KDM4C: variants seen among roughly 807,000 people sequenced by gnomAD.
KDM4C encodes the protein lysine-specific demethylase 4C.
A neutral mutation model predicts 129.3 loss-of-function variants in KDM4C; 81 were observed. The ratio of observed to expected loss-of-function variants is 0.63; its 90% confidence interval spans 0.52 to 0.75. The LOEUF is 0.75. Among genes scored for constraint, KDM4C ranks in the 30% least tolerant of loss-of-function variants. The pLI is 0.00. For missense variants in KDM4C, 1,457 were observed against 1,304.0 expected (o/e 1.12, Z -1.81); for synonymous variants, 573 against 456.1 (o/e 1.26, Z -3.26).
chr9:6,903,200 G>A (rs1055169670), intron 8 of KDM4C, among the ~76,000 whole-genome samples: 2 of 152,094 alleles, frequency 1.3e-5, no homozygotes, highest in African/African-American at 4.8e-5. Context: ...CATATTCCCA[G>A]TTCTTAGGAA....
At chr9:6,773,899 C>T (rs1245132479) in intron 1 of KDM4C, among the ~76,000 whole-genome samples, 1 of 151,894 alleles carries the variant, frequency 6.6e-6, no homozygotes, top group Admixed American at 6.6e-5. Flanking sequence ...TAACCAAACC[C>T]TAGGCATTTA....
chr9:7,169,487 C>T (rs1844741467), intron 20 of KDM4C, among the ~76,000 whole-genome samples: 1 of 152,164 alleles, frequency 6.6e-6, no homozygotes, highest in African/African-American at 2.4e-5. Flanking sequence ...AGGCATGCGC[C>T]ACCATGCCTG....
chr9:6,917,724 C>T (rs553810816), intron 8 of KDM4C, among the ~76,000 whole-genome samples: 87 of 152,308 alleles, frequency 5.7e-4, no homozygotes, highest in African/African-American at 2.1e-3. Context: ...TGCTTCTCAT[C>T]TCATTGAGAA....
intron 8 of KDM4C, among the ~76,000 whole-genome samples, chr9:6,948,462 T>C (rs2131469847): frequency 6.6e-6 from 1 of 151,518 alleles, no homozygotes; most frequent in Admixed American, 6.6e-5. Flanking sequence ...TTCCTCATTT[T>C]TTTTTTTTTT....
intron 1 of KDM4C, among the ~76,000 whole-genome samples, chr9:6,773,153 C>G (rs1822245788): frequency 6.6e-6 from 1 of 151,770 alleles, no homozygotes. Flanking sequence ...GTGCACACTA[C>G]TACACCTGGC....
chr9:7,004,023 A>G (rs185957014), intron 12 of KDM4C, among the ~76,000 whole-genome samples: 1 of 152,286 alleles, frequency 6.6e-6, no homozygotes, highest in African/African-American at 2.4e-5. Flanking sequence ...TTTTCATAGT[A>G]GAGAATGGTG....
chr9:7,123,553 T>C (rs949030917), intron 18 of KDM4C, among the ~76,000 whole-genome samples: 1 of 152,202 alleles, frequency 6.6e-6, no homozygotes, highest in African/African-American at 2.4e-5. Context: ...ATCCATTCAT[T>C]CATTCACTGT....
At chr9:6,932,409 G>T (rs1015088922) in intron 8 of KDM4C, among the ~76,000 whole-genome samples, 3 of 152,104 alleles carry the variant, frequency 2.0e-5, no homozygotes, top group African/African-American at 7.2e-5. Flanking sequence ...GCTTAGTAAT[G>T]CCCCCTCCCA....
In KDM4C at chr9:6,856,785, C is replaced by G. The variant is rs372077327; in HGVS notation, c.629+7085C>G. Among the ~76,000 whole-genome samples the G allele has an allele frequency of 6.1e-3, 827 of 136,258 alleles. 6 individuals carry two copies. The highest frequency in any genetic ancestry group is 0.022 in the African/African-American group (796 of 36,220). 89.4% of individuals were successfully genotyped at this position (136,258 alleles called of 152,430 possible). On this transcript the variant is annotated intron_variant, in intron 5 of 21. Transcript: ENST00000381309. ...TTTTTTTTTGAGACGGAGTCTCGCT[C>G]TGTCGCCCAGGCCGGACTGCGGACT... is the stretch of plus-strand genomic sequence containing the variant.
chr9:7,172,345 C>G (rs1007396779), intron 21 of KDM4C, among the ~76,000 whole-genome samples: 1 of 152,160 alleles, frequency 6.6e-6, no homozygotes, highest in Non-Finnish European at 1.5e-5. Flanking sequence ...TATTGTCTCA[C>G]AGAATAACCA....
chr9:6,850,589 G>T (rs537959442), intron 5 of KDM4C, among the ~76,000 whole-genome samples: 29 of 151,766 alleles, frequency 1.9e-4, no homozygotes, highest in Admixed American at 3.9e-4. Flanking sequence ...GGGATTAGAG[G>T]CCCAGCTAAT....
At chr9:6,802,078 C>G (rs181569046) in intron 2 of KDM4C, among the ~76,000 whole-genome samples, 4 of 149,490 alleles carry the variant, frequency 2.7e-5, no homozygotes, top group Non-Finnish European at 5.9e-5. Flanking sequence ...GCACTCCAGC[C>G]TGGGGAACAA....
chr9:6,844,400 A>G (rs549017738), intron 4 of KDM4C, among the ~76,000 whole-genome samples: 1 of 152,310 alleles, frequency 6.6e-6, no homozygotes, highest in African/African-American at 2.4e-5. Context: ...ATGTGGTCAC[A>G]GTAATTTTTT....
At position 6,793,166 on chromosome 9, in the gene KDM4C, A is replaced by G. The variant is rs201512588; in HGVS notation, c.144+34A>G. On this transcript the variant is annotated intron_variant, in intron 2 of 21. Coordinates refer to ENST00000381309, the MANE Select transcript of KDM4C (RefSeq NM_015061.6). ...CCTTCGATGCTTTAAATGAAAAACA[A>G]TCACTTGGCCTTTAATTTATGTTCT... 1.3e-5 allele frequency: 20 copies of G among 1,597,310 alleles called. No homozygotes were observed. The East Asian group carries it at 3.8e-4, about 30-fold the overall frequency.
chr9:6,932,331 C>G (rs1199684133), intron 8 of KDM4C, among the ~76,000 whole-genome samples: 1 of 152,088 alleles, frequency 6.6e-6, no homozygotes, highest in Non-Finnish European at 1.5e-5. Flanking sequence ...TTATTAGTTT[C>G]AATTAGGGTT....
At chr9:7,169,048 T>TA (rs1256117965) in intron 20 of KDM4C, among the ~76,000 whole-genome samples, 5 of 104,962 alleles carry the variant, frequency 4.8e-5, no homozygotes, top group South Asian at 2.9e-4. Flanking sequence ...CTGTCTCAAT[T>TA]TAAAAAAAAA....
At chr9:6,878,205 G>A (rs903650307) in intron 5 of KDM4C, among the ~76,000 whole-genome samples, 2 of 152,114 alleles carry the variant, frequency 1.3e-5, no homozygotes, top group African/African-American at 4.8e-5. Context: ...TTCCGTGTAC[G>A]GGGCTGTGAT....
intron 19 of KDM4C, among the ~76,000 whole-genome samples, chr9:7,161,664 C>T (rs1192046539): frequency 6.6e-6 from 1 of 152,142 alleles, no homozygotes; most frequent in Non-Finnish European, 1.5e-5. Flanking sequence ...TCTGTCTGTC[C>T]CTGGCTTGGG....
intron 1 of KDM4C, among the ~76,000 whole-genome samples, chr9:6,749,583 G>T (rs1818002783): frequency 1.3e-5 from 2 of 151,574 alleles, no homozygotes; most frequent in Non-Finnish European, 1.5e-5. Flanking sequence ...CGGGAGGATT[G>T]CTTGAGCCCA....
Sources: gnomAD v4.1 joint callset for allele counts (sites outside exome capture counted in the v4.1 genomes callset) on GRCh38, gnomAD v4.1.1 for gene constraint, MANE v1.5 for transcripts, NCBI Gene and HGNC (gene_info 2026-07-23, HGNC 2026-07-21) for gene names.